ZNF438: variants seen among roughly 807,000 people sequenced by gnomAD.
ZNF438 encodes zinc finger protein 438.
A neutral mutation model predicts 38.0 loss-of-function variants in ZNF438; 25 were observed. The ratio of observed to expected loss-of-function variants is 0.66; its 90% CI spans 0.48 to 0.92. The LOEUF (loss-of-function observed/expected upper bound fraction) is 0.92, where lower values mean the gene tolerates loss of function less well. Ranked by LOEUF, ZNF438 falls within the 40% of genes least tolerant of loss-of-function variation. ZNF438 has a pLI of 0.00. For missense variants in ZNF438, 1,007 were observed against 999.6 expected, an observed-to-expected ratio of 1.01 and a Z score of -0.10; for synonymous variants, 372 against 364.1, an observed-to-expected ratio of 1.02 and a Z score of -0.25.
chr10:30,984,196 A>C (rs2052520547), intron 1 of ZNF438, among the ~76,000 whole-genome samples, 173 bp downstream of exon 2: 1 of 152,202 alleles, frequency 6.6e-6, no homozygotes, highest in Admixed American at 6.5e-5. Flanking sequence ...GCTATTAGGG[A>C]AATGTTACAT....
chr10:30,913,310 C>A (rs955905806), intron 2 of ZNF438, among the ~76,000 whole-genome samples: 34 of 152,040 alleles, frequency 2.2e-4, no homozygotes, highest in African/African-American at 8.0e-4. Context: ...ACCATATATT[C>A]CCTTGGTTCT....
chr10:30,951,985 A>G (rs1429338215), intron 1 of ZNF438, among the ~76,000 whole-genome samples: 1 of 150,512 alleles, frequency 6.6e-6, no homozygotes, highest in African/African-American at 2.4e-5. Context: ...GCATCACACT[A>G]CCTGACTTCA....
At chr10:30,852,397 A>G (rs985467756) in intron 4 of ZNF438, among the ~76,000 whole-genome samples, 1 of 151,858 alleles carries the variant, frequency 6.6e-6, no homozygotes, top group Non-Finnish European at 1.5e-5. Context: ...TAGTAGAGAC[A>G]GGGTTTCTCC....
chr10:30,915,834 G>A (rs1363560415), intron 2 of ZNF438, among the ~76,000 whole-genome samples: 1 of 151,970 alleles, frequency 6.6e-6, no homozygotes, highest in Non-Finnish European at 1.5e-5. Flanking sequence ...ATAAAAGTGT[G>A]CTTTGAGAAG....
intron 2 of ZNF438, among the ~76,000 whole-genome samples, chr10:30,910,034 A>G (rs2042926919): frequency 6.6e-6 from 1 of 152,182 alleles, no homozygotes; most frequent in South Asian, 2.1e-4. Context: ...GTTCTTGAGG[A>G]CTGAAGCTCC....
At chr10:30,934,389 G>C (rs1339449987) in intron 2 of ZNF438, among the ~76,000 whole-genome samples, 4 of 152,162 alleles carry the variant, frequency 2.6e-5, no homozygotes, top group Non-Finnish European at 2.9e-5. Context: ...TTTGTGTAAG[G>C]CTAGGAAAAT....
intron 1 of ZNF438, among the ~76,000 whole-genome samples, chr10:30,949,103 C>T (rs1272865941): frequency 6.6e-6 from 1 of 152,134 alleles, no homozygotes; most frequent in Non-Finnish European, 1.5e-5. Context: ...ATTCAACATT[C>T]TTAAAGACAA....
chr10:31,020,905 C>T (rs2056546058), intron 1 of ZNF438, among the ~76,000 whole-genome samples: 1 of 151,958 alleles, frequency 6.6e-6, no homozygotes, highest in Non-Finnish European at 1.5e-5. Flanking sequence ...TCAGACTTTA[C>T]ATTTTCAAAG....
In ZNF438 at chr10:30,849,734, G is replaced by A. The variant is rs374664128; in HGVS notation, c.671C>T (p.Thr224Ile). The change falls in exon 5 of 6, where the codon ACA (threonine) becomes ATA (isoleucine). Residue 224 changes from threonine (T) to isoleucine (I), a missense_variant. By Grantham distance (89) the Thr-to-Ile change is moderately conservative. Transcript: ENST00000413025. ...GTCCTGCTTGGCAGGCTCCTCTGGT[G>A]TGGATGATGCTGGGGTAGCAGGAGG... 2.4e-5 allele frequency: 38 copies of A among 1,614,110 alleles called. No homozygotes were observed. In the African/African-American group the frequency reaches 3.3e-4, roughly 14 times the overall value.
intron 3 of ZNF438, among the ~76,000 whole-genome samples, chr10:30,892,492 A>G (rs1165294481): frequency 6.6e-6 from 1 of 152,114 alleles, no homozygotes; most frequent in Non-Finnish European, 1.5e-5. Flanking sequence ...TTGCATTTAT[A>G]TATTAAGAAT....
intron 1 of ZNF438, among the ~76,000 whole-genome samples, chr10:31,007,689 GATAACAT>G (rs2055290329): frequency 6.6e-6 from 1 of 152,156 alleles, no homozygotes; most frequent in South Asian, 2.1e-4. Flanking sequence ...GATTAACCAA[GATAACAT>G]ATATAAAGTA....
At chr10:30,872,308 C>T (rs995213062) in intron 4 of ZNF438, among the ~76,000 whole-genome samples, 1 of 151,738 alleles carries the variant, frequency 6.6e-6, no homozygotes, top group African/African-American at 2.4e-5. Context: ...CTCCTGTAGT[C>T]CCAGCTATTC....
intron 1 of ZNF438, among the ~76,000 whole-genome samples, chr10:30,980,108 G>A (rs1174787767): frequency 1.3e-5 from 2 of 152,130 alleles, no homozygotes; most frequent in South Asian, 2.1e-4. Context: ...AGGCATGTGT[G>A]GCTAGAGGAG....
chr10:31,010,891 TGAAAAAAA>T (rs2055614968), intron 1 of ZNF438, among the ~76,000 whole-genome samples: 1 of 43,408 alleles, frequency 2.3e-5, no homozygotes, highest in African/African-American at 1.7e-4. Flanking sequence ...AGACCCTGTT[TGAAAAAAA>T]AAAAAAAAAA....
intron 4 of ZNF438, among the ~76,000 whole-genome samples, chr10:30,862,384 C>T (rs887323855): frequency 1.9e-4 from 29 of 152,136 alleles, no homozygotes; most frequent in African/African-American, 5.8e-4. Context: ...TCACCCGCAG[C>T]CTCAAACTCC....
chr10:30,944,385 A>G (rs2047143486), intron 1 of ZNF438, among the ~76,000 whole-genome samples: 1 of 152,220 alleles, frequency 6.6e-6, no homozygotes, highest in South Asian at 2.1e-4. Context: ...TCTTAAGTCT[A>G]CTTCTTAAAG....
intron 1 of ZNF438, among the ~76,000 whole-genome samples, chr10:30,963,505 A>C (rs1181163568): frequency 6.6e-6 from 1 of 152,214 alleles, no homozygotes; most frequent in Admixed American, 6.5e-5. Context: ...CGTGTAAAAA[A>C]ATAGTGAACT....
chr10:30,901,637 C>T (rs530105241), intron 3 of ZNF438, among the ~76,000 whole-genome samples: 3 of 152,174 alleles, frequency 2.0e-5, no homozygotes, highest in South Asian at 2.1e-4. Context: ...GCAATTGTCT[C>T]GTCGCTTGGC....
At chr10:30,930,168 G>C (rs1365090596) in intron 2 of ZNF438, among the ~76,000 whole-genome samples, 1 of 151,986 alleles carries the variant, frequency 6.6e-6, no homozygotes, top group South Asian at 2.1e-4. Flanking sequence ...CGGGGGTGGG[G>C]GGGGAGTGCG....
Sources: gnomAD v4.1 joint callset for allele counts (sites outside exome capture counted in the v4.1 genomes callset) on GRCh38, gnomAD v4.1.1 for gene constraint, MANE v1.5 for transcripts, NCBI Gene and HGNC (gene_info 2026-07-23, HGNC 2026-07-21) for gene names.